The following PRDM9 variants were observed in gnomAD, a reference collection of about 807,000 sequenced individuals.
The protein encoded by PRDM9 is PR/SET domain 9.
PRDM9 carries 47 observed loss-of-function variants against 55.6 expected under a neutral mutation model. The ratio of observed to expected loss-of-function variants is 0.85; its 90% CI spans 0.67 to 1.08. The LOEUF is 1.08. PRDM9 is among the 50% of genes least tolerant of loss of function. PRDM9 has a pLI of 0.00. For missense variants in PRDM9, 867 were observed against 1,040.3 expected, an observed-to-expected ratio of 0.83 and a Z score of 2.29; for synonymous variants, 312 against 375.7, an observed-to-expected ratio of 0.83 and a Z score of 1.96.
intron 4 of PRDM9, among the ~76,000 whole-genome samples, chr5:23,512,778 C>T (rs1223138179): frequency 1.3e-5 from 2 of 152,134 alleles, no homozygotes; most frequent in Non-Finnish European, 2.9e-5. Flanking sequence ...AATAACACCC[C>T]ATTTCCTCCT....
intron 4 of PRDM9, among the ~76,000 whole-genome samples, chr5:23,511,332 T>C (rs1431348365): frequency 6.6e-6 from 1 of 152,098 alleles, no homozygotes; most frequent in Non-Finnish European, 1.5e-5. Flanking sequence ...TTTGTTTGTT[T>C]GTTTGTTGTT....
At chr5:23,521,249 C>A in intron 6 of PRDM9, 70 bp downstream of exon 6, 1 of 1,581,316 alleles carries the variant, frequency 6.3e-7, no homozygotes, top group Non-Finnish European at 8.7e-7. Flanking sequence ...GTATGGTCTA[C>A]CTATGTGGGG....
intron 4 of PRDM9, among the ~76,000 whole-genome samples, chr5:23,511,174 G>A (rs1261520312): frequency 6.6e-6 from 1 of 151,776 alleles, no homozygotes; most frequent in African/African-American, 2.4e-5. Flanking sequence ...GGGAAAAATA[G>A]TGACCTCCTG....
Position 23,526,219 on chromosome 5 carries a change from A to G in PRDM9, c.1145-14A>G, listed in dbSNP as rs1248233158. 1 of 1,612,738 alleles carries G rather than the reference A, an allele frequency of 6.2e-7. No individual in the cohort carries two copies. The highest frequency in any genetic ancestry group is 1.1e-5 in the South Asian group (1 of 91,036). On this transcript the variant is annotated splice_polypyrimidine_tract_variant and intron_variant, in intron 10 of 10. Coordinates refer to ENST00000296682, the MANE Select transcript of PRDM9 (RefSeq NM_020227.4). ...AACAAAACATCTACCCTGACCAAAAACTTCCTCTTTCAGAACCAAAGCCAG... is the reference window on the plus strand; with the variant it reads ...AACAAAACATCTACCCTGACCAAAAGCTTCCTCTTTCAGAACCAAAGCCAG...
In PRDM9 at chr5:23,522,721, C is replaced by T. The variant is rs375616926; in HGVS notation, c.718C>T (p.Leu240Phe). 1 of 1,614,234 alleles carries T rather than the reference C, an allele frequency of 6.2e-7. No homozygotes were observed. The highest frequency in any genetic ancestry group is 1.7e-5 in the Admixed American group (1 of 60,032). Residue 240 changes from leucine to phenylalanine, a missense_variant, in exon 8 of 11, where the codon CTC (leucine) becomes TTC (phenylalanine). Leu to Phe is a conservative substitution (Grantham distance 22, BLOSUM62 0). This residue lies in a region of PRDM9 where 662 missense variants were observed against 711.9 expected (regional missense o/e 0.93). Coordinates refer to ENST00000296682, the MANE Select transcript of PRDM9 (RefSeq NM_020227.4). The stretch of plus-strand genomic sequence containing the variant: ...CAAGGGGCACCCCAACCGTTCAGCC[C>T]TCAGTCTGCCCCCAGGGCTGAGAAT... ...VDKGHPNRSA[L>F]SLPPGLRIGP...
At chr5:23,512,807 C>G (rs1428989956) in intron 4 of PRDM9, among the ~76,000 whole-genome samples, 1 of 152,112 alleles carries the variant, frequency 6.6e-6, no homozygotes, top group Non-Finnish European at 1.5e-5. Context: ...CTCCTGGCAA[C>G]TGCAATTCTG....
In PRDM9 at chr5:23,523,494, A is replaced by T. The variant is rs189910548; in HGVS notation, c.950+136A>T. Reference sequence around the variant, plus strand: ...ATTTTTCTCCATACAATGCTGTTTTATACCATCAACATTTAGAAATAATAA... The same window carrying T: ...ATTTTTCTCCATACAATGCTGTTTTTTACCATCAACATTTAGAAATAATAA... On this transcript the variant is annotated intron_variant, in intron 9 of 10. Transcript: ENST00000296682. 3,258 of 843,814 alleles carry T rather than the reference A, an allele frequency of 3.9e-3. 13 individuals are homozygous for T. The highest frequency in any genetic ancestry group is 5.1e-3 in the Non-Finnish European group (2,670 of 525,770). The allele number at this position is 843,814 out of a possible 1,614,324, so 52.3% of individuals were successfully genotyped here.
rs1739441483 is a variant in PRDM9, at chr5:23,526,608, G to A, written c.1520G>A (p.Gly507Glu). The A allele has an allele frequency of 1.2e-6, 2 of 1,614,230 alleles. No homozygotes were observed. Among genetic ancestry groups the A allele is most frequent in the Non-Finnish European group, 1.7e-6 (2 of 1,180,048 alleles). Reference sequence around the variant, plus strand: ...AGAACAGGCCAGAAAGTGAATCCAGGGAACACAGGCAAATTATTTGTGGGG... The same window carrying A: ...AGAACAGGCCAGAAAGTGAATCCAGAGAACACAGGCAAATTATTTGTGGGG... ...ESRTGQKVNP[G>E]NTGKLFVGVG... Residue 507 changes from glycine to glutamate, a missense_variant, in exon 11 of 11, where the codon GGG (glycine) becomes GAG (glutamate). Transcript: ENST00000296682.
chr5:23,508,833 C>T (rs1739032648), intron 1 of PRDM9, 117 bp from the exon 2 acceptor site: 1 of 629,850 alleles, frequency 1.6e-6, no homozygotes, highest in East Asian at 2.8e-5. Context: ...TGCTCGAGAC[C>T]TCACCAGGAA....
At chr5:23,515,275 T>G (rs1171010311) in intron 4 of PRDM9, among the ~76,000 whole-genome samples, 1 of 152,054 alleles carries the variant, frequency 6.6e-6, no homozygotes, top group African/African-American at 2.4e-5. Flanking sequence ...TGGATTTAAC[T>G]CTTTATCTTC....
chr5:23,509,658 T>G (rs1739051948), intron 3 of PRDM9, 65 bp downstream of exon 3: 2 of 1,611,830 alleles, frequency 1.2e-6, no homozygotes, highest in Admixed American at 3.3e-5. Context: ...GTCCCTATAT[T>G]ATTTTAGTTC....
At chr5:23,526,108 T>C in intron 10 of PRDM9, 125 bp from the exon 11 acceptor site, 1 of 1,169,748 alleles carries the variant, frequency 8.5e-7, no homozygotes. Flanking sequence ...ATCCAGCACT[T>C]GGTGGGAAAG....
chr5:23,515,441 A>T (rs373682178), intron 4 of PRDM9, among the ~76,000 whole-genome samples: 1 of 152,192 alleles, frequency 6.6e-6, no homozygotes, highest in Admixed American at 6.5e-5. Context: ...TGGTTTGCAT[A>T]TATTTTCTTC....
intron 1 of PRDM9, among the ~76,000 whole-genome samples, chr5:23,508,486 T>C (rs1326406317): frequency 1.3e-5 from 2 of 152,178 alleles, no homozygotes; most frequent in African/African-American, 4.8e-5. Context: ...ACTGCTTTAC[T>C]CCTGGATTTT....
chr5:23,508,727 G>A (rs1214427238), intron 1 of PRDM9, among the ~76,000 whole-genome samples: 1 of 152,076 alleles, frequency 6.6e-6, no homozygotes, highest in Non-Finnish European at 1.5e-5. Flanking sequence ...CTAGCTGCAG[G>A]GGAACTAAAA....
intron 4 of PRDM9, among the ~76,000 whole-genome samples, chr5:23,516,996 T>G (rs1366746528): frequency 6.7e-6 from 1 of 150,012 alleles, no homozygotes; most frequent in Admixed American, 6.6e-5. Flanking sequence ...ATTTAAAAAT[T>G]TAAAAAATTA....
chr5:23,522,170 G>C (rs1158832778), intron 6 of PRDM9, 134 bp from the exon 7 acceptor site: 6 of 800,694 alleles, frequency 7.5e-6, no homozygotes, highest in Admixed American at 5.6e-5. Context: ...CTCTGAAGCA[G>C]TAGTTAAAGA....
intron 10 of PRDM9, among the ~76,000 whole-genome samples, 164 bp from the exon 11 acceptor site, chr5:23,526,069 T>A (rs1302634095): frequency 6.6e-6 from 1 of 152,068 alleles, no homozygotes; most frequent in African/African-American, 2.4e-5. Flanking sequence ...TGAATAAAAG[T>A]GGAATGGAAA....
At chr5:23,509,614 C>A in intron 3 of PRDM9, 21 bp downstream of exon 3, 1 of 1,614,112 alleles carries the variant, frequency 6.2e-7, no homozygotes, top group Non-Finnish European at 8.5e-7. Context: ...GTGCTGGGCA[C>A]AGACCAGCCT....
Sources: gnomAD v4.1 joint callset for allele counts (sites outside exome capture counted in the v4.1 genomes callset) on GRCh38, gnomAD v4.1.1 for gene constraint, gnomAD v4.1.1 regional missense constraint, MANE v1.5 for transcripts, NCBI Gene and HGNC (gene_info 2026-07-23, HGNC 2026-07-21) for gene names.